The following LIG1 variants were observed in gnomAD, a reference collection of about 807,000 sequenced individuals.
The protein encoded by LIG1 is ligase I, DNA, ATP-dependent.
A neutral mutation model predicts 115.7 loss-of-function variants in LIG1; 70 were observed. That is an observed-to-expected ratio of 0.60 (90% CI 0.50 to 0.74). The LOEUF (loss-of-function observed/expected upper bound fraction) is 0.74. Among genes scored for constraint, LIG1 ranks in the 30% least tolerant of loss-of-function variants. The pLI, the probability that LIG1 is intolerant of heterozygous loss-of-function variation, is 0.00. For synonymous variants in LIG1, 487 were observed against 495.3 expected, an observed-to-expected ratio of 0.98 and a Z score of 0.22; for missense variants, 1,115 against 1,225.6, an observed-to-expected ratio of 0.91 and a Z score of 1.35.
intron 16 of LIG1, 31 bp downstream of exon 16, chr19:48,135,649 C>T (rs2034331604): frequency 6.4e-7 from 1 of 1,574,406 alleles, no homozygotes; most frequent in African/African-American, 1.3e-5. Flanking sequence ...CCCACAGCCC[C>T]TGGCAACTCC....
chr19:48,165,707 A>AAT (rs2123075322), intron 1 of LIG1, 84 bp from the exon 2 acceptor site: 41 of 971,448 alleles, frequency 4.2e-5, no homozygotes, highest in East Asian at 7.7e-5. Flanking sequence ...TTAAGAAAGA[A>AAT]AGAAAAAAAA....
At chr19:48,163,730 T>G (rs1283792564) in intron 2 of LIG1, among the ~76,000 whole-genome samples, 1 of 151,882 alleles carries the variant, frequency 6.6e-6, no homozygotes, top group East Asian at 1.9e-4. Context: ...GATCACGAGG[T>G]CAGGAGATCA....
At chr19:48,138,403 C>T (rs1007059843) in intron 12 of LIG1, among the ~76,000 whole-genome samples, 2 of 152,208 alleles carry the variant, frequency 1.3e-5, no homozygotes, top group African/African-American at 2.4e-5. Flanking sequence ...GAAAGCAATC[C>T]GTAATGAACG....
intron 12 of LIG1, 49 bp downstream of exon 12, chr19:48,139,922 C>A: frequency 6.2e-7 from 1 of 1,603,472 alleles, no homozygotes; most frequent in Non-Finnish European, 8.5e-7. Flanking sequence ...TGCATTTTCT[C>A]TGGCTGAGCT....
intron 11 of LIG1, among the ~76,000 whole-genome samples, chr19:48,142,744 A>G (rs1262804609): frequency 6.6e-6 from 1 of 152,048 alleles, no homozygotes; most frequent in East Asian, 1.9e-4. Context: ...CCTGGGTTCA[A>G]GTGATTCTCG....
In LIG1 at chr19:48,158,459, G is replaced by A. The variant is rs558942156; in HGVS notation, c.244-1319C>T. The stretch of plus-strand genomic sequence containing the variant: ...AAGTTTGCGTCTTGCCTAAGCCACT[G>A]CTACCGTGTCTCGGTTTCAACCACT... On this transcript the variant is annotated intron_variant, in intron 4 of 27. Coordinates refer to ENST00000263274, the MANE Select transcript of LIG1 (RefSeq NM_000234.3). 2.0e-5 allele frequency among the ~76,000 whole-genome samples: 3 copies of A among 152,366 alleles called. No homozygotes were observed. In the East Asian group the frequency reaches 5.8e-4, roughly 29 times the overall value.
At position 48,132,807 on chromosome 19, in the gene LIG1, A is replaced by G. The variant is rs900407652; in HGVS notation, c.1725+175T>C. Among the ~76,000 whole-genome samples, 4 of 150,132 alleles carry G rather than the reference A, an allele frequency of 2.7e-5. No individual in the cohort carries two copies. In the East Asian group the frequency reaches 7.8e-4, roughly 29 times the overall value. ...CTCTGTCTCAAAAAAAAAAAAAAAA[A>G]AAAAAAAAAAGAACACACTCACTGC... On this transcript the variant is annotated intron_variant, in intron 18 of 27. Transcript: ENST00000263274.
chr19:48,148,106 T>G (rs1457847177), intron 9 of LIG1, among the ~76,000 whole-genome samples: 2 of 151,752 alleles, frequency 1.3e-5, no homozygotes, highest in Admixed American at 6.6e-5. Flanking sequence ...GCAATAGGAG[T>G]TGGGGCCTGA....
intron 24 of LIG1, chr19:48,120,921 A>G (rs558564100): frequency 1.5e-6 from 2 of 1,333,300 alleles, no homozygotes; most frequent in Non-Finnish European, 9.6e-7. Context: ...TATGTGAGCC[A>G]CCACTATTTG....
At chr19:48,126,003 AAAAG>A (rs201779430) in intron 21 of LIG1, among the ~76,000 whole-genome samples, 1 of 151,758 alleles carries the variant, frequency 6.6e-6, no homozygotes, top group African/African-American at 2.4e-5. Flanking sequence ...AAAAAAAAAA[AAAAG>A]ATTATCTGGG....
chr19:48,165,388 A>T (rs1446099082), intron 2 of LIG1, among the ~76,000 whole-genome samples, 162 bp downstream of exon 2: 2 of 152,150 alleles, frequency 1.3e-5, no homozygotes, highest in Admixed American at 6.5e-5. Context: ...TGTCTTCCAT[A>T]TCCCACGGCT....
At chr19:48,147,085 C>T (rs2035166501) in intron 9 of LIG1, among the ~76,000 whole-genome samples, 1 of 152,204 alleles carries the variant, frequency 6.6e-6, no homozygotes, top group Non-Finnish European at 1.5e-5. Flanking sequence ...TTTTGTTAGA[C>T]TTAAACTGTA....
chr19:48,169,680 A>G (rs533900889), intron 1 of LIG1: 110 of 159,122 alleles, frequency 6.9e-4, no homozygotes, highest in Non-Finnish European at 1.1e-3. Context: ...CCCGCGATTT[A>G]CCTTCTTCTA....
chr19:48,124,189 A>G (rs1013817700), intron 21 of LIG1, among the ~76,000 whole-genome samples: 3 of 152,202 alleles, frequency 2.0e-5, no homozygotes, highest in Non-Finnish European at 4.4e-5. Context: ...CTTGCCCTCC[A>G]GGGGGACATT....
chr19:48,162,852 C>T lies in LIG1; in HGVS notation c.18-501G>A, dbSNP rs139281541. On this transcript the variant is annotated intron_variant, in intron 2 of 27. Coordinates refer to ENST00000263274, the MANE Select transcript of LIG1 (RefSeq NM_000234.3). ...AAGGAGGCAACACTAATTTTTCTGC[C>T]CTAACGCACCTGCAAGATATGATAC... Among the ~76,000 whole-genome samples the T allele has an allele frequency of 2.9e-3, 442 of 152,214 alleles. 3 individuals carry two copies. The highest frequency in any genetic ancestry group is 1.0e-2 in the African/African-American group (415 of 41,532).
At chr19:48,145,181 G>A (rs2035040746) in intron 9 of LIG1, among the ~76,000 whole-genome samples, 2 of 152,174 alleles carry the variant, frequency 1.3e-5, no homozygotes, top group Non-Finnish European at 2.9e-5. Context: ...TTATAGGCAT[G>A]AGCCACTGCG....
At chr19:48,118,527 A>T (rs1339889415) in intron 25 of LIG1, 1 of 149,174 alleles carries the variant, frequency 6.7e-6, no homozygotes, top group Non-Finnish European at 1.4e-5. Flanking sequence ...TCTCTTTATA[A>T]ATGATCCTTT....
chr19:48,117,309 G>A (rs1472812306), intron 26 of LIG1, among the ~76,000 whole-genome samples: 6 of 150,450 alleles, frequency 4.0e-5, no homozygotes, highest in African/African-American at 1.5e-4. Flanking sequence ...ACAGGCACCC[G>A]CCATCACACA....
At chr19:48,147,824 GA>G (rs5828335) in intron 9 of LIG1, among the ~76,000 whole-genome samples, 17,521 of 149,514 alleles carry the variant, frequency 0.12, 1,696 homozygotes, top group African/African-American at 0.26. Context: ...ATTGACTAGT[GA>G]AAAAAAAAAA....
Sources: allele counts gnomAD v4.1 joint callset (sites outside exome capture counted in the v4.1 genomes callset), GRCh38; gene constraint gnomAD v4.1.1; transcripts MANE v1.5; gene names NCBI Gene and HGNC (gene_info 2026-07-23, HGNC 2026-07-21).